Variants in DCP1B observed in about 807,000 individuals in gnomAD.
The protein encoded by DCP1B is decapping mRNA 1B, also known as mRNA-decapping enzyme 1B.
Under a neutral mutation model 60.5 loss-of-function variants are expected in DCP1B, and 47 were observed. That is an observed-to-expected ratio of 0.78 (90% CI 0.61 to 0.99). The LOEUF (loss-of-function observed/expected upper bound fraction) is 0.99, where lower values mean the gene tolerates loss of function less well. Among genes scored for constraint, DCP1B ranks in the 50% least tolerant of loss-of-function variants. The pLI is 0.00. For synonymous variants in DCP1B, 267 were observed against 280.3 expected (o/e 0.95, Z 0.47); for missense variants, 725 against 756.8 (o/e 0.96, Z 0.49).
Position 1,949,145 on chromosome 12 carries a change from T to C in DCP1B, c.1714A>G (p.Ile572Val), listed in dbSNP as rs1565759287. 6.2e-7 allele frequency: 1 copy of C among 1,614,118 alleles called. No individual in the cohort carries two copies. Among genetic ancestry groups the C allele is most frequent in the Non-Finnish European group, 8.5e-7 (1 of 1,180,020 alleles). Residue 572 changes from isoleucine to valine, a missense_variant, in exon 8 of 9, where the codon ATC becomes GTC. Physicochemically the swap from Ile to Val is conservative, Grantham distance 29. Transcript: ENST00000280665. ...AGCTTGGTGAGTGGGCTGCTGGTGA[T>C]CACGGAGGGCTCCGGGCTCTGTATG... Reference protein sequence around the residue: ...LPIQSPEPSVITSSPLTKLQL... With the variant: ...LPIQSPEPSVVTSSPLTKLQL...
chr12:1,981,484 A>T (rs1157109759), intron 3 of DCP1B, among the ~76,000 whole-genome samples: 1 of 152,224 alleles, frequency 6.6e-6, no homozygotes. Context: ...AGAAGCCAGG[A>T]CAAAATATTA....
intron 7 of DCP1B, 71 bp downstream of exon 7, chr12:1,952,340 CTTTTT>C: frequency 2.3e-6 from 3 of 1,319,354 alleles, no homozygotes. Flanking sequence ...AGCCTGGCTA[CTTTTT>C]TTTTTTTTTT....
intron 6 of DCP1B, among the ~76,000 whole-genome samples, chr12:1,954,857 C>G (rs1386469931): frequency 2.0e-5 from 3 of 152,104 alleles, no homozygotes; most frequent in African/African-American, 2.4e-5. Flanking sequence ...TTCTAGGGTG[C>G]TTGTTTGTTT....
In DCP1B at chr12:1,971,128, C is replaced by A. The variant is rs1339891648; in HGVS notation, c.320-3218G>T. On this transcript the variant is annotated intron_variant, in intron 3 of 8. Coordinates refer to ENST00000280665, the MANE Select transcript of DCP1B (RefSeq NM_152640.5). This position sits in a 1 kb window ranked among gnomAD's most constrained non-coding sequence, Gnocchi z 4.2. ...AGCCGCTTCCCAGCCACCTGTCTGC[C>A]AACACGGAGGTCAAGTTTAAGGGTA... is the stretch of plus-strand genomic sequence containing the variant. The A allele has an allele frequency of 1.6e-6, 2 of 1,289,090 alleles. No homozygotes were observed. The highest frequency in any genetic ancestry group is 1.1e-4 in the East Asian group (2 of 18,034). 79.9% of individuals were successfully genotyped at this position (1,289,090 alleles called of 1,614,324 possible).
intron 3 of DCP1B, among the ~76,000 whole-genome samples, chr12:1,974,473 T>G (rs1204386883): frequency 6.6e-6 from 1 of 152,206 alleles, no homozygotes; most frequent in Non-Finnish European, 1.5e-5. Flanking sequence ...TAGACACTAA[T>G]GTACTCGTTT....
At chr12:1,970,825 G>C in intron 3 of DCP1B, 1 of 280,848 alleles carries the variant, frequency 3.6e-6, no homozygotes, top group African/African-American at 2.2e-5. Context: ...GAAAATACAA[G>C]GTTGAAAAGA....
chr12:1,944,060 A>T (rs1016753234), downstream of DCP1B, among the ~76,000 whole-genome samples: 1 of 152,114 alleles, frequency 6.6e-6, no homozygotes, highest in African/African-American at 2.4e-5. Flanking sequence ...CCAAAATCTT[A>T]AACTCATAAG....
At chr12:1,994,948 T>G (rs1684404500) in intron 2 of DCP1B, among the ~76,000 whole-genome samples, 1 of 132,800 alleles carries the variant, frequency 7.5e-6, no homozygotes, top group Non-Finnish European at 1.6e-5. Context: ...CTTTTTGTAA[T>G]TCGCTACTGA....
In DCP1B at chr12:1,952,417, T is replaced by C. The variant is rs1340743567; in HGVS notation, c.1523A>G (p.Gln508Arg). 1.9e-6 allele frequency: 3 copies of C among 1,569,170 alleles called. No individual in the cohort carries two copies. The African/African-American group carries it at 4.1e-5, about 21-fold the overall frequency. The part of the protein sequence containing the change: ...PNTEQQTPLF[Q>R]VISPQRIPAT... ...ATTTTGCCCCTGGTACATATTTACCTGGAAAAGAGGAGTCTGCTGTTCTGT... is the reference window on the plus strand; with the variant it reads ...ATTTTGCCCCTGGTACATATTTACCCGGAAAAGAGGAGTCTGCTGTTCTGT... Residue 508 changes from glutamine to arginine, a missense_variant and splice_region_variant, in exon 7 of 9, where the codon CAG (glutamine) becomes CGG (arginine). Transcript: ENST00000280665.
chr12:2,002,269 G>A (rs1264144785), intron 1 of DCP1B, among the ~76,000 whole-genome samples: 1 of 152,098 alleles, frequency 6.6e-6, no homozygotes, highest in East Asian at 1.9e-4. Flanking sequence ...ATTCTTATTA[G>A]GTTTACATTC....
At chr12:1,964,784 T>C (rs1394066333) in intron 5 of DCP1B, among the ~76,000 whole-genome samples, 1 of 152,368 alleles carries the variant, frequency 6.6e-6, no homozygotes, top group African/African-American at 2.4e-5. Context: ...CATTGGTCTA[T>C]TGGGCTGTTA....
rs1336633251 is a variant in DCP1B, at chr12:1,993,009, A to G, written c.319+255T>C. 34 of 636,688 alleles carry G rather than the reference A, an allele frequency of 5.3e-5. No homozygotes were observed. The East Asian group carries it at 9.0e-4, about 17-fold the overall frequency. 39.4% of individuals were successfully genotyped at this position (636,688 alleles called of 1,614,324 possible). On this transcript the variant is annotated intron_variant, in intron 3 of 8. Coordinates refer to ENST00000280665, the MANE Select transcript of DCP1B (RefSeq NM_152640.5). ...GGCTTAAGATCAGCAATGGGTTCACACTACAAATCCATAAAGCTTCAAAAG... is the reference window on the plus strand; with the variant it reads ...GGCTTAAGATCAGCAATGGGTTCACGCTACAAATCCATAAAGCTTCAAAAG...
intron 3 of DCP1B, among the ~76,000 whole-genome samples, chr12:1,985,035 T>TAA (rs796830744): frequency 2.9e-4 from 42 of 142,460 alleles, no homozygotes; most frequent in African/African-American, 1.0e-3. Context: ...CTTTCAAGAT[T>TAA]AAAAAAAAAA....
chr12:1,947,291 C>T (rs142494021), intron 8 of DCP1B, among the ~76,000 whole-genome samples: 79 of 152,360 alleles, frequency 5.2e-4, no homozygotes, highest in African/African-American at 1.8e-3. Context: ...CCACACTTCA[C>T]ATTCCCCCTT....
At chr12:2,002,803 T>C (rs892252747) in intron 1 of DCP1B, among the ~76,000 whole-genome samples, 2 of 152,140 alleles carry the variant, frequency 1.3e-5, no homozygotes, top group Admixed American at 1.3e-4. Flanking sequence ...AAAATAGCCA[T>C]ATGTAGAATA....
At chr12:1,952,115 T>C (rs900657609) in intron 7 of DCP1B, among the ~76,000 whole-genome samples, 1 of 152,258 alleles carries the variant, frequency 6.6e-6, no homozygotes, top group Admixed American at 6.5e-5. Flanking sequence ...CATTGGTCCC[T>C]AGAGCATGGA....
At chr12:2,001,032 C>T (rs1319147817) in intron 1 of DCP1B, among the ~76,000 whole-genome samples, 4 of 111,444 alleles carry the variant, frequency 3.6e-5, no homozygotes, top group Non-Finnish European at 7.6e-5. Flanking sequence ...AGCGAGACTT[C>T]GTCTCAAAAA....
intron 7 of DCP1B, chr12:1,950,211 G>A (rs1016226731): frequency 8.1e-6 from 5 of 618,512 alleles, no homozygotes; most frequent in African/African-American, 1.8e-5. Context: ...TTGAGCAAAA[G>A]TTGGCCTAGA....
chr12:1,950,254 A>G lies in DCP1B; in HGVS notation c.1525-920T>C, dbSNP rs531908185. ...AGGCTGTTTCTTTTAACTTGTCCCT[A>G]CATGACATTTCGAGGAGCGGTGCTG... On this transcript the variant is annotated intron_variant, in intron 7 of 8. Transcript: ENST00000280665. The G allele has an allele frequency of 2.5e-5, 17 of 690,458 alleles. No homozygotes were observed. In the East Asian group the frequency reaches 4.6e-4, roughly 19 times the overall value. 42.8% of individuals were successfully genotyped at this position (690,458 alleles called of 1,614,324 possible). A position where few individuals can be genotyped will look rare whatever the true frequency, so the allele number is the denominator to read the frequency against.
Sources: allele counts gnomAD v4.1 joint callset (sites outside exome capture counted in the v4.1 genomes callset), GRCh38; gene constraint gnomAD v4.1.1; non-coding constraint Gnocchi (gnomAD v3.1); transcripts MANE v1.5; gene names NCBI Gene and HGNC (gene_info 2026-07-23, HGNC 2026-07-21).